Variants in CHIC1 observed in about 807,000 individuals in gnomAD.
CHIC1 encodes the protein cysteine-rich hydrophobic domain-containing protein 1.
CHIC1 carries 7 observed loss-of-function variants against 18.5 expected under a neutral mutation model. That is an observed-to-expected ratio of 0.38 (90% confidence interval 0.22 to 0.71). The LOEUF (loss-of-function observed/expected upper bound fraction) is 0.71. CHIC1 is among the 30% of genes least tolerant of loss of function. The pLI, the probability that CHIC1 is intolerant of heterozygous loss-of-function variation, is 0.49. For synonymous variants in CHIC1, 77 were observed against 73.5 expected (o/e 1.05, Z -0.25); for missense variants, 159 against 176.9 (o/e 0.90, Z 0.57).
chrX:73,637,726 C>CT (rs2057837635), intron 3 of CHIC1, among the ~76,000 whole-genome samples: 1 of 110,707 alleles, frequency 9.0e-6, no homozygotes, highest in Admixed American at 9.6e-5. Context: ...TATTCTATCT[C>CT]TTTTTTTAAA....
At chrX:73,579,123 T>A (rs752354765) in intron 2 of CHIC1, among the ~76,000 whole-genome samples, 1 of 110,233 alleles carries the variant, frequency 9.1e-6, no homozygotes, top group African/African-American at 3.3e-5. Context: ...ATTTGCCTCA[T>A]TTTCCCCTTG....
chrX:73,602,903 G>T (rs2057659021), intron 3 of CHIC1, among the ~76,000 whole-genome samples: 1 of 108,992 alleles, frequency 9.2e-6, no homozygotes, highest in Non-Finnish European at 1.9e-5. Flanking sequence ...GTACAATGCT[G>T]TTTTGGTTAC....
At chrX:73,657,779 G>A (rs1202504799) in intron 3 of CHIC1, among the ~76,000 whole-genome samples, 1 of 110,474 alleles carries the variant, frequency 9.1e-6, no homozygotes, top group East Asian at 2.9e-4. Context: ...TTATCATTTT[G>A]AGGTATATTC....
chrX:73,626,201 C>T (rs2057782700), intron 3 of CHIC1, among the ~76,000 whole-genome samples: 1 of 111,836 alleles, frequency 8.9e-6, no homozygotes, highest in Admixed American at 9.5e-5. Context: ...GTTGTTTCCT[C>T]TGTCTTGCTG....
intron 1 of CHIC1, among the ~76,000 whole-genome samples, chrX:73,563,938 G>A (rs1249816107): frequency 1.8e-5 from 2 of 111,753 alleles, no homozygotes; most frequent in African/African-American, 6.5e-5. Context: ...TGACAAGATT[G>A]ATACTTTGTG....
intron 3 of CHIC1, among the ~76,000 whole-genome samples, chrX:73,614,638 C>A (rs1603343769): frequency 9.1e-6 from 1 of 109,386 alleles, no homozygotes; most frequent in African/African-American, 3.3e-5. Flanking sequence ...ATTTCTTCTG[C>A]TTGAACTTTT....
chrX:73,633,882 G>GT (rs1217498110), intron 3 of CHIC1, among the ~76,000 whole-genome samples: 2 of 109,676 alleles, frequency 1.8e-5, no homozygotes, highest in Non-Finnish European at 3.8e-5. Context: ...GGATTTCTGG[G>GT]TTTTTTTAAT....
At chrX:73,637,935 CGTT>C (rs1443082458) in intron 3 of CHIC1, among the ~76,000 whole-genome samples, 14 of 110,674 alleles carry the variant, frequency 1.3e-4, no homozygotes, top group Admixed American at 4.9e-4. Flanking sequence ...CCTGTTATCT[CGTT>C]GTTGTTGAAC....
chrX:73,681,069 G>T lies in CHIC1; in HGVS notation c.*64G>T. On this transcript the variant is annotated 3_prime_UTR_variant, in exon 6 of 6. Coordinates refer to ENST00000373502, the MANE Select transcript of CHIC1 (RefSeq NM_001039840.4). ...CCTACCCTTAGTGCCTTGTAGATTT[G>T]GAATGAAGATGGTCTCCTTTGCTGT... 1 of 638,390 alleles carries T rather than the reference G, an allele frequency of 1.6e-6. No homozygotes were observed. The highest frequency in any genetic ancestry group is 2.8e-5 in the South Asian group (1 of 35,146). The allele number at this position is 638,390 out of a possible 1,213,427, so 52.6% of individuals were successfully genotyped here. A position where few individuals can be genotyped will look rare whatever the true frequency, so the allele number is the denominator to read the frequency against.
chrX:73,571,886 G>A (rs73229435), intron 1 of CHIC1, among the ~76,000 whole-genome samples: 4,443 of 110,740 alleles, frequency 0.04, 83 homozygotes, highest in Middle Eastern at 0.052. Context: ...AAAATTGCCT[G>A]TGTCCTTGAA....
chrX:73,611,796 T>G (rs1439527276), intron 3 of CHIC1, among the ~76,000 whole-genome samples: 1 of 108,360 alleles, frequency 9.2e-6, no homozygotes, highest in Non-Finnish European at 1.9e-5. Context: ...TTTCATGTGT[T>G]TTTTGGCTGC....
At chrX:73,668,837 A>T (rs68122716) in intron 3 of CHIC1, among the ~76,000 whole-genome samples, 5,725 of 112,434 alleles carry the variant, frequency 0.051, 366 homozygotes, top group African/African-American at 0.17. Context: ...ATCAGGCACC[A>T]ACTTAAGCAT....
chrX:73,568,366 A>G (rs1471199921), intron 1 of CHIC1, among the ~76,000 whole-genome samples: 1 of 111,916 alleles, frequency 8.9e-6, no homozygotes, highest in African/African-American at 3.2e-5. Context: ...TACTACTTGT[A>G]TTTCCAATTC....
At chrX:73,623,915 C>T (rs1348321574) in intron 3 of CHIC1, among the ~76,000 whole-genome samples, 3 of 111,351 alleles carry the variant, frequency 2.7e-5, no homozygotes, top group African/African-American at 9.8e-5. Context: ...TATAAATACA[C>T]AGATAAAAGA....
At chrX:73,605,630 C>A (rs1436730859) in intron 3 of CHIC1, among the ~76,000 whole-genome samples, 1 of 108,661 alleles carries the variant, frequency 9.2e-6, no homozygotes, top group Admixed American at 9.7e-5. Flanking sequence ...GTAGCTGTTA[C>A]TGATTTTTCG....
intron 3 of CHIC1, among the ~76,000 whole-genome samples, chrX:73,625,080 C>T (rs2057777443): frequency 1.8e-5 from 2 of 110,751 alleles, no homozygotes; most frequent in South Asian, 7.7e-4. Context: ...ACATCAAAGC[C>T]CTTGGGGCCA....
intron 3 of CHIC1, among the ~76,000 whole-genome samples, chrX:73,639,026 CT>C (rs1200540665): frequency 7.2e-5 from 8 of 111,506 alleles, no homozygotes; most frequent in Non-Finnish European, 1.5e-4. Flanking sequence ...ATTTATATTC[CT>C]TTGGGTATAT....
intron 3 of CHIC1, among the ~76,000 whole-genome samples, chrX:73,645,015 A>G (rs920782023): frequency 8.9e-6 from 1 of 112,069 alleles, no homozygotes; most frequent in Non-Finnish European, 1.9e-5. Context: ...AGTGAGATGA[A>G]CCTGGTACCT....
At chrX:73,675,683 C>A (rs1481558692) in intron 3 of CHIC1, among the ~76,000 whole-genome samples, 1 of 111,587 alleles carries the variant, frequency 9.0e-6, no homozygotes, top group Admixed American at 9.5e-5. Flanking sequence ...GACTCTTTAT[C>A]CAATTTGCCA....
Sources: allele counts gnomAD v4.1 joint callset (sites outside exome capture counted in the v4.1 genomes callset), GRCh38; gene constraint gnomAD v4.1.1; transcripts MANE v1.5; gene names NCBI Gene and HGNC (gene_info 2026-07-23, HGNC 2026-07-21).